Variants in FER1L6 observed in about 807,000 individuals in gnomAD.
FER1L6 encodes fer-1-like protein 6.
FER1L6 carries 177 observed loss-of-function variants against 219.2 expected under a neutral mutation model. The observed-to-expected ratio is 0.81, with a 90% CI of 0.71 to 0.91. FER1L6 has a LOEUF of 0.91. FER1L6 is among the 40% of genes least tolerant of loss of function. The probability of loss-of-function intolerance (pLI) is 0.00; values close to 1 mark genes in which losing one functional copy is unlikely to be tolerated. For missense variants in FER1L6, 2,153 were observed against 2,259.9 expected, an observed-to-expected ratio of 0.95 and a Z score of 0.96; for synonymous variants, 768 against 824.3, an observed-to-expected ratio of 0.93 and a Z score of 1.17.
At chr8:124,077,331 T>A (rs1415758809) in intron 32 of FER1L6, among the ~76,000 whole-genome samples, 1 of 152,214 alleles carries the variant, frequency 6.6e-6, no homozygotes, top group Non-Finnish European at 1.5e-5. Context: ...AATGGATACA[T>A]CTTTAGTGTG....
At chr8:124,022,223 C>T (rs1233071482) in intron 17 of FER1L6, among the ~76,000 whole-genome samples, 1 of 152,192 alleles carries the variant, frequency 6.6e-6, no homozygotes, top group African/African-American at 2.4e-5. Context: ...TGTTGCAAAT[C>T]AGTCATTCCC....
At chr8:124,051,701 G>A (rs985223099) in intron 22 of FER1L6, among the ~76,000 whole-genome samples, 5 of 152,196 alleles carry the variant, frequency 3.3e-5, no homozygotes, top group African/African-American at 4.8e-5. Flanking sequence ...AGTCCCACCA[G>A]AGCTGGGGAT....
chr8:123,967,432 A>T (rs1239938815), intron 5 of FER1L6, among the ~76,000 whole-genome samples: 1 of 152,198 alleles, frequency 6.6e-6, no homozygotes, highest in Non-Finnish European at 1.5e-5. Flanking sequence ...GCCATAATAT[A>T]CTAAACCAGT....
intron 14 of FER1L6, among the ~76,000 whole-genome samples, chr8:124,011,019 C>T (rs73706339): frequency 0.031 from 4,676 of 152,182 alleles, 218 homozygotes; most frequent in African/African-American, 0.11. Context: ...AACTTTCTCA[C>T]AAAATTGATA....
chr8:124,039,643 G>A (rs368145862), intron 19 of FER1L6, among the ~76,000 whole-genome samples: 175 of 152,312 alleles, frequency 1.1e-3, no homozygotes, highest in African/African-American at 3.9e-3. Flanking sequence ...TGAAGAATAA[G>A]ACACATAACC....
Position 123,933,815 on chromosome 8 carries a change from C to A in FER1L6, c.-7-22177C>A, listed in dbSNP as rs1813878184. Among the ~76,000 whole-genome samples, 4 of 152,020 alleles carry A rather than the reference C, an allele frequency of 2.6e-5. No homozygotes were observed. The South Asian group carries it at 8.3e-4, about 32-fold the overall frequency. ...CCATTTTTCTTGCTTTTTTTTCCAG[C>A]TTTTTCTCATGAAGTTTTATTTTAA... On this transcript the variant is annotated intron_variant, in intron 1 of 40. Transcript: ENST00000522917.
intron 2 of FER1L6, among the ~76,000 whole-genome samples, chr8:123,956,579 A>G (rs1815031816): frequency 6.6e-6 from 1 of 152,170 alleles, no homozygotes. Flanking sequence ...TACAGAGATA[A>G]AGAGAGAGTA....
At chr8:123,870,871 G>C (rs564986388) in intron 1 of FER1L6, among the ~76,000 whole-genome samples, 1 of 152,142 alleles carries the variant, frequency 6.6e-6, no homozygotes, top group Non-Finnish European at 1.5e-5. Context: ...TAATCTACCT[G>C]TATTAAAAAT....
chr8:124,020,956 G>T (rs933513471), intron 16 of FER1L6, among the ~76,000 whole-genome samples: 1 of 152,086 alleles, frequency 6.6e-6, no homozygotes, highest in South Asian at 2.1e-4. Flanking sequence ...AAGGAAAGAG[G>T]TTTAATTGAC....
At chr8:123,871,164 CGT>C (rs1464173451) in intron 1 of FER1L6, among the ~76,000 whole-genome samples, 1 of 152,118 alleles carries the variant, frequency 6.6e-6, no homozygotes, top group Admixed American at 6.5e-5. Flanking sequence ...AGTATGAACT[CGT>C]GTTTACTTTA....
chr8:123,982,478 G>A (rs1816368030), intron 11 of FER1L6, among the ~76,000 whole-genome samples: 1 of 152,052 alleles, frequency 6.6e-6, no homozygotes, highest in Non-Finnish European at 1.5e-5. Flanking sequence ...TTGTGTAGTA[G>A]GTAATAGGTA....
chr8:124,038,120 C>T (rs534737644), intron 19 of FER1L6, among the ~76,000 whole-genome samples: 2 of 152,274 alleles, frequency 1.3e-5, no homozygotes, highest in South Asian at 4.1e-4. Flanking sequence ...TGTCCCTAGA[C>T]TCTAGATAAA....
intron 11 of FER1L6, chr8:123,985,860 A>G: frequency 1.9e-6 from 1 of 534,920 alleles, no homozygotes; most frequent in South Asian, 2.4e-5. Flanking sequence ...AGACTGCATC[A>G]TTCTAGATGA....
Position 124,098,934 on chromosome 8 carries a change from T to C in FER1L6, c.4883+1051T>C, listed in dbSNP as rs538333245. Among the ~76,000 whole-genome samples the C allele has an allele frequency of 3.3e-5, 5 of 152,370 alleles. No homozygotes were observed. In the South Asian group the frequency reaches 1.0e-3, roughly 32 times the overall value. ...CATTTTGCTAAATCTAATGGTCTTA[T>C]GTTTTAAAAAATTAGTCCTTATTGC... On this transcript the variant is annotated intron_variant, in intron 37 of 40. Transcript: ENST00000522917.
intron 1 of FER1L6, among the ~76,000 whole-genome samples, chr8:123,923,759 T>A (rs1258439566): frequency 6.6e-6 from 1 of 151,828 alleles, no homozygotes; most frequent in Non-Finnish European, 1.5e-5. Context: ...GGAACCTAAC[T>A]AACACCATCT....
intron 12 of FER1L6, among the ~76,000 whole-genome samples, chr8:123,995,493 T>C (rs1001244128): frequency 6.6e-6 from 1 of 152,194 alleles, no homozygotes; most frequent in Non-Finnish European, 1.5e-5. Context: ...AATGATTCTT[T>C]GAATTTTTGC....
chr8:123,906,903 T>C (rs1272544043), intron 1 of FER1L6, among the ~76,000 whole-genome samples: 1 of 152,092 alleles, frequency 6.6e-6, no homozygotes, highest in Non-Finnish European at 1.5e-5. Context: ...TTTCACGTCT[T>C]GGATATTCGT....
chr8:123,899,426 G>A (rs545459955), intron 1 of FER1L6, among the ~76,000 whole-genome samples: 1 of 152,242 alleles, frequency 6.6e-6, no homozygotes, highest in Admixed American at 6.5e-5. Flanking sequence ...TTTGTCAGAT[G>A]TATAGATTGT....
chr8:124,101,203 C>T lies in FER1L6; in HGVS notation c.4990C>T (p.Leu1664Phe). 3 of 1,613,930 alleles carry T rather than the reference C, an allele frequency of 1.9e-6. No homozygotes were observed. The highest frequency in any genetic ancestry group is 2.5e-6 in the Non-Finnish European group (3 of 1,179,978). Residue 1664 changes from leucine (L) to phenylalanine (F), a missense_variant, in exon 38 of 41, where the codon CTC (leucine) becomes TTC (phenylalanine). Transcript: ENST00000522917. ...NWRFLFPFQY[L>F]PAEKQMVITK... is the part of the protein sequence containing the mutation. The stretch of plus-strand genomic sequence containing the variant: ...GCGCTTCCTGTTTCCCTTTCAGTAT[C>T]TCCCAGCTGAGAAGCAAATGGTCAT...
Sources: allele counts gnomAD v4.1 joint callset (sites outside exome capture counted in the v4.1 genomes callset), GRCh38; gene constraint gnomAD v4.1.1; transcripts MANE v1.5; gene names NCBI Gene and HGNC (gene_info 2026-07-23, HGNC 2026-07-21).